The following TIAM1 variants were observed in gnomAD, a reference collection of about 807,000 sequenced individuals.
The protein encoded by TIAM1 is TIAM Rac1 associated GEF 1.
A neutral mutation model predicts 163.5 loss-of-function variants in TIAM1; 65 were observed. That is an observed-to-expected ratio of 0.40 (90% CI 0.33 to 0.49). The LOEUF is 0.49. TIAM1 is among the 20% of genes least tolerant of loss of function. TIAM1 has a pLI of 0.77. For synonymous variants in TIAM1, 833 were observed against 810.1 expected (o/e 1.03, Z -0.48); for missense variants, 1,789 against 2,044.7 (o/e 0.87, Z 2.41).
chr21:31,259,365 G>A (rs2072314723), intron 4 of TIAM1, among the ~76,000 whole-genome samples: 1 of 151,918 alleles, frequency 6.6e-6, no homozygotes, highest in Non-Finnish European at 1.5e-5. Context: ...TTGAACTCCT[G>A]AGCTCAAGCG....
At chr21:31,270,815 A>C (rs2073023648) in intron 3 of TIAM1, among the ~76,000 whole-genome samples, 1 of 152,216 alleles carries the variant, frequency 6.6e-6, no homozygotes, top group South Asian at 2.1e-4. Context: ...TGGCCCAGGG[A>C]AGCCAAAAGA....
At chr21:31,538,754 C>T (rs1373509310) in intron 1 of TIAM1, among the ~76,000 whole-genome samples, 1 of 152,210 alleles carries the variant, frequency 6.6e-6, no homozygotes, top group Admixed American at 6.5e-5. Context: ...CCCTTATTGT[C>T]AAAGCCTGAA....
At chr21:31,363,391 T>G (rs1272274901) in intron 2 of TIAM1, among the ~76,000 whole-genome samples, 2 of 152,138 alleles carry the variant, frequency 1.3e-5, no homozygotes, top group Non-Finnish European at 2.9e-5. Context: ...CAACCCAACA[T>G]TCTAACAGGA....
intron 2 of TIAM1, among the ~76,000 whole-genome samples, chr21:31,284,219 TAA>T (rs963014246): frequency 6.6e-6 from 1 of 152,158 alleles, no homozygotes; most frequent in African/African-American, 2.4e-5. Context: ...CTATGAAACA[TAA>T]GAGAGTAATA....
chr21:31,491,809 A>C (rs11701218), intron 1 of TIAM1, among the ~76,000 whole-genome samples: 1 of 152,136 alleles, frequency 6.6e-6, no homozygotes, highest in South Asian at 2.1e-4. Context: ...TTCCAAAGCA[A>C]TTTTTTCAAG....
chr21:31,458,292 C>T (rs1052904991), intron 2 of TIAM1, among the ~76,000 whole-genome samples: 12 of 151,906 alleles, frequency 7.9e-5, no homozygotes, highest in Non-Finnish European at 1.5e-4. Context: ...AGGGGGCGGG[C>T]GCCTGTAATC....
At chr21:31,138,595 A>G (rs1211128289) in intron 22 of TIAM1, among the ~76,000 whole-genome samples, 1 of 152,232 alleles carries the variant, frequency 6.6e-6, no homozygotes, top group African/African-American at 2.4e-5. Context: ...GAGTCTCCGT[A>G]ATTCTTCCAA....
chr21:31,441,678 T>A (rs747739891), intron 2 of TIAM1, among the ~76,000 whole-genome samples: 2 of 152,114 alleles, frequency 1.3e-5, no homozygotes, highest in Non-Finnish European at 2.9e-5. Context: ...AGGCTTCCTA[T>A]CTTAGACATA....
chr21:31,166,047 C>T lies in TIAM1; in HGVS notation c.2888-982G>A, dbSNP rs191469813. 2.0e-4 allele frequency among the ~76,000 whole-genome samples: 30 copies of T among 152,332 alleles called. No homozygotes were observed. The East Asian group carries it at 5.4e-3, about 27-fold the overall frequency. On this transcript the variant is annotated intron_variant, in intron 15 of 27. Transcript: ENST00000541036. Reference sequence around the variant, plus strand: ...TCCCCTGGGGTGCTTCTCAAACTGACAGAGCATCTGGATCCCCAGGGGAAC... The same window carrying T: ...TCCCCTGGGGTGCTTCTCAAACTGATAGAGCATCTGGATCCCCAGGGGAAC...
At chr21:31,508,330 T>C (rs747041154) in intron 1 of TIAM1, among the ~76,000 whole-genome samples, 8 of 151,932 alleles carry the variant, frequency 5.3e-5, no homozygotes, top group Non-Finnish European at 8.8e-5. Flanking sequence ...TACCTTTCCT[T>C]GGAGTGGGGA....
rs548226132 is a variant in TIAM1 at position 31,250,422 on chromosome 21, TG to T, written c.1411+1319del. 3.9e-5 allele frequency among the ~76,000 whole-genome samples: 6 copies of T among 152,308 alleles called. No homozygotes were observed. In the South Asian group the frequency reaches 1.2e-3, roughly 32 times the overall value. On this transcript the variant is annotated intron_variant, in intron 5 of 27. Transcript: ENST00000541036. ...TGTCATCAGGCATCTGAGCAACAGCTGGCACCAAGAATAATGGGGCCAACGC... is the reference window on the plus strand; with the variant it reads ...TGTCATCAGGCATCTGAGCAACAGCTGCACCAAGAATAATGGGGCCAACGC...
In TIAM1 at chr21:31,152,686, C is replaced by T. The variant is rs1409134776; in HGVS notation, c.3316G>A (p.Val1106Met). The part of the protein sequence containing the change: ...VEFLKTLEDG[V>M]RLVPDLEKLE... ...TTTTCCAAATCAGGTACCAGTCTCA[C>T]TCCATCTTCTAGAGTTTTAAGGAAT... The change falls in exon 19 of 28, where the codon GTG becomes ATG. Residue 1106 changes from valine (V) to methionine (M), a missense_variant. This residue lies in a region of TIAM1 where 303 missense variants were observed against 321.3 expected (regional missense o/e 0.94). Coordinates refer to ENST00000541036, the MANE Select transcript of TIAM1 (RefSeq NM_001353694.2). 2 of 1,614,208 alleles carry T rather than the reference C, an allele frequency of 1.2e-6. No individual in the cohort carries two copies. The highest frequency in any genetic ancestry group is 1.7e-5 in the Admixed American group (1 of 60,030).
rs747598248 is a variant in TIAM1 at position 31,225,821 on chromosome 21, G to C, written c.1714C>G (p.Gln572Glu). The C allele has an allele frequency of 6.8e-6, 11 of 1,614,144 alleles. No individual in the cohort carries two copies. Among genetic ancestry groups the C allele is most frequent in the Admixed American group, 1.7e-5 (1 of 60,014 alleles). Residue 572 changes from glutamine to glutamate, a missense_variant, in exon 7 of 28, where the codon CAG (glutamine) becomes GAG (glutamate). Around this residue, in one of 5 missense-constraint regions of TIAM1, gnomAD observed 456 missense variants for 586.6 expected, o/e 0.78. Coordinates refer to ENST00000541036, the MANE Select transcript of TIAM1 (RefSeq NM_001353694.2). ...LLKSEIKKLEQKIDMDEKMKK... is the reference protein window; with the variant it reads ...LLKSEIKKLEEKIDMDEKMKK... ...ATCTTTTCATCCATGTCAATCTTCT[G>C]TTCCAGTTTTTTGATCTCTGATTTC...
intron 23 of TIAM1, among the ~76,000 whole-genome samples, chr21:31,131,631 A>G (rs1355407332): frequency 2.6e-5 from 4 of 152,200 alleles, no homozygotes; most frequent in Admixed American, 2.6e-4. Flanking sequence ...TTCTTCCTAG[A>G]AGGGTAAGTA....
chr21:31,280,451 G>T (rs917612357), intron 2 of TIAM1, among the ~76,000 whole-genome samples: 2 of 152,196 alleles, frequency 1.3e-5, no homozygotes, highest in African/African-American at 4.8e-5. Flanking sequence ...ACGTGGAACT[G>T]TGAGTCCAAT....
chr21:31,320,961 C>T (rs2075289885), intron 2 of TIAM1, among the ~76,000 whole-genome samples: 1 of 151,796 alleles, frequency 6.6e-6, no homozygotes, highest in Non-Finnish European at 1.5e-5. Context: ...CATTGCACTC[C>T]AGCCTGGGTG....
Position 31,408,459 on chromosome 21 carries a change from G to A in TIAM1, c.-369+55524C>T, listed in dbSNP as rs183908942. Reference sequence around the variant, plus strand: ...ACTCTCTTTCCCGAGTCAGCTAAAAGGATTCAAAATTACAAAGAGCCAAAA... The same window carrying A: ...ACTCTCTTTCCCGAGTCAGCTAAAAAGATTCAAAATTACAAAGAGCCAAAA... On this transcript the variant is annotated intron_variant, in intron 2 of 28. Coordinates refer to the TIAM1 transcript ENST00000286827. 1.2e-4 allele frequency among the ~76,000 whole-genome samples: 18 copies of A among 152,186 alleles called. 1 individual carries two copies. The highest frequency in any genetic ancestry group is 7.2e-4 in the Admixed American group (11 of 15,274).
chr21:31,341,703 A>G (rs2076021712), intron 1 of TIAM1, among the ~76,000 whole-genome samples: 1 of 152,258 alleles, frequency 6.6e-6, no homozygotes, highest in Admixed American at 6.5e-5. Flanking sequence ...CTGAAAAAAC[A>G]TAATCTATGT....
chr21:31,362,383 AC>A (rs1372442384), intron 2 of TIAM1, among the ~76,000 whole-genome samples: 1 of 151,548 alleles, frequency 6.6e-6, no homozygotes, highest in Non-Finnish European at 1.5e-5. Context: ...CAAACCAGCC[AC>A]CCAAGGTTCG....
Sources: gnomAD v4.1 joint callset for allele counts (sites outside exome capture counted in the v4.1 genomes callset) on GRCh38, gnomAD v4.1.1 for gene constraint, gnomAD v4.1.1 regional missense constraint, MANE v1.5 for transcripts, NCBI Gene and HGNC (gene_info 2026-07-23, HGNC 2026-07-21) for gene names.